NRXN3: variants seen among roughly 807,000 people sequenced by gnomAD.
The protein encoded by NRXN3 is neurexin 3.
A neutral mutation model predicts 137.6 loss-of-function variants in NRXN3; 32 were observed. The observed-to-expected ratio is 0.23, with a 90% confidence interval of 0.18 to 0.31. The LOEUF (loss-of-function observed/expected upper bound fraction) is 0.31. Among genes scored for constraint, NRXN3 ranks in the 10% least tolerant of loss-of-function variants. The pLI is 1.00. For synonymous variants in NRXN3, 798 were observed against 784.5 expected, an observed-to-expected ratio of 1.02 and a Z score of -0.29; for missense variants, 1,574 against 2,062.5, an observed-to-expected ratio of 0.76 and a Z score of 4.59.
chr14:78,649,324 T>C (rs2097716547), intron 5 of NRXN3: 16 of 1,315,394 alleles, frequency 1.2e-5, no homozygotes, highest in Non-Finnish European at 1.6e-5. Context: ...TAGATATCAT[T>C]CTTATTGTCT....
At chr14:79,286,096 A>G (rs1309281159) in intron 15 of NRXN3, among the ~76,000 whole-genome samples, 1 of 152,118 alleles carries the variant, frequency 6.6e-6, no homozygotes, top group Non-Finnish European at 1.5e-5. Flanking sequence ...TTCTCAGTTT[A>G]TCTTCTGTGA....
At chr14:79,534,867 A>G (rs1319216106) in intron 16 of NRXN3, among the ~76,000 whole-genome samples, 1 of 152,216 alleles carries the variant, frequency 6.6e-6, no homozygotes, top group African/African-American at 2.4e-5. Flanking sequence ...GGGATTTTAT[A>G]AGGCACATTC....
chr14:78,714,041 GAGAC>G (rs2098420894), intron 7 of NRXN3, among the ~76,000 whole-genome samples: 1 of 152,220 alleles, frequency 6.6e-6, no homozygotes, highest in Admixed American at 6.5e-5. Context: ...AACTATACCA[GAGAC>G]AGAATAGGTC....
intron 15 of NRXN3, chr14:79,247,153 T>G (rs1157424211): frequency 1.3e-5 from 2 of 152,142 alleles, no homozygotes; most frequent in Admixed American, 1.3e-4. Flanking sequence ...TACATAATAC[T>G]ATTTCATTAT....
chr14:78,851,912 T>C (rs1254038817), intron 10 of NRXN3, among the ~76,000 whole-genome samples: 1 of 151,568 alleles, frequency 6.6e-6, no homozygotes, highest in African/African-American at 2.4e-5. Flanking sequence ...GAAAAAAAAA[T>C]AGGAGTTTTT....
intron 10 of NRXN3, among the ~76,000 whole-genome samples, chr14:78,818,532 T>A (rs1390654773): frequency 6.6e-6 from 1 of 152,172 alleles, no homozygotes; most frequent in Admixed American, 6.6e-5. Context: ...GGAATATATA[T>A]TACTTTCTCT....
intron 15 of NRXN3, among the ~76,000 whole-genome samples, chr14:79,013,988 C>T (rs1011775084): frequency 2.6e-5 from 4 of 152,150 alleles, no homozygotes; most frequent in African/African-American, 7.2e-5. Flanking sequence ...ATCAAAGGTT[C>T]TTCTCTAAGA....
chr14:78,604,855 C>T (rs1039522223), intron 4 of NRXN3, among the ~76,000 whole-genome samples: 2 of 152,176 alleles, frequency 1.3e-5, no homozygotes, highest in Non-Finnish European at 2.9e-5. Context: ...AATAAAGATC[C>T]ATGTTCAAAG....
At chr14:79,368,143 C>T in intron 15 of NRXN3, among the ~76,000 whole-genome samples, 1 of 152,048 alleles carries the variant, frequency 6.6e-6, no homozygotes, top group East Asian at 1.9e-4. Context: ...TCTGTTTGGG[C>T]CAGAACAAGG....
chr14:79,061,209 C>A (rs1247478013), intron 15 of NRXN3, among the ~76,000 whole-genome samples: 2 of 152,180 alleles, frequency 1.3e-5, no homozygotes, highest in Non-Finnish European at 2.9e-5. Context: ...GAGATCCCAT[C>A]TTTGTTCATA....
intron 16 of NRXN3, among the ~76,000 whole-genome samples, chr14:79,634,383 A>T (rs1014852031): frequency 6.6e-5 from 10 of 152,198 alleles, no homozygotes; most frequent in Admixed American, 2.0e-4. Flanking sequence ...TAGGTTACGT[A>T]TGGAAAAAGC....
At chr14:78,888,998 C>G (rs775038007) in intron 10 of NRXN3, among the ~76,000 whole-genome samples, 2 of 151,876 alleles carry the variant, frequency 1.3e-5, no homozygotes, top group Non-Finnish European at 2.9e-5. Context: ...TGGGAGATAT[C>G]TTATATCCTA....
intron 15 of NRXN3, among the ~76,000 whole-genome samples, chr14:79,204,171 ATTACAAAGAGCT>A (rs2066463440): frequency 6.6e-6 from 1 of 152,000 alleles, no homozygotes; most frequent in Non-Finnish European, 1.5e-5. Flanking sequence ...AAAGATTTCC[ATTACAAAGAGCT>A]CCCGTCAGGT....
intron 15 of NRXN3, among the ~76,000 whole-genome samples, chr14:79,214,955 C>T (rs998716486): frequency 6.6e-6 from 1 of 152,096 alleles, no homozygotes; most frequent in East Asian, 1.9e-4. Context: ...ATTCAGGAGG[C>T]AGATAATGGT....
chr14:79,559,553 C>T (rs376736043), intron 16 of NRXN3, among the ~76,000 whole-genome samples: 1 of 152,040 alleles, frequency 6.6e-6, no homozygotes, highest in East Asian at 1.9e-4. Flanking sequence ...GATCACTGAT[C>T]ACAGGTCACC....
intron 15 of NRXN3, among the ~76,000 whole-genome samples, chr14:79,117,106 GA>G (rs1442652747): frequency 6.6e-6 from 1 of 152,170 alleles, no homozygotes; most frequent in Non-Finnish European, 1.5e-5. Context: ...ACATATTCAA[GA>G]ATAAGACACA....
At chr14:78,303,390 G>A (rs549316375) in intron 4 of NRXN3, among the ~76,000 whole-genome samples, 1 of 152,200 alleles carries the variant, frequency 6.6e-6, no homozygotes, top group South Asian at 2.1e-4. Flanking sequence ...GTATTCATTT[G>A]TTAACATCCA....
intron 4 of NRXN3, among the ~76,000 whole-genome samples, chr14:78,552,018 C>T (rs1311655138): frequency 2.6e-5 from 4 of 152,106 alleles, no homozygotes; most frequent in African/African-American, 9.7e-5. Context: ...GGCCCTGCCT[C>T]CAGTGGTGGT....
intron 4 of NRXN3, among the ~76,000 whole-genome samples, chr14:78,338,519 G>T (rs1393445905): frequency 1.3e-5 from 2 of 152,192 alleles, no homozygotes; most frequent in African/African-American, 4.8e-5. Context: ...GGATAGCCTA[G>T]AAGTGGAAAT....
Sources: allele counts gnomAD v4.1 joint callset (sites outside exome capture counted in the v4.1 genomes callset), GRCh38; gene constraint gnomAD v4.1.1; transcripts MANE v1.5; gene names NCBI Gene and HGNC (gene_info 2026-07-23, HGNC 2026-07-21).